The following ZRANB3 variants were observed in gnomAD, a reference collection of about 807,000 sequenced individuals.
ZRANB3 encodes DNA annealing helicase and endonuclease ZRANB3.
Under a neutral mutation model 133.8 loss-of-function variants are expected in ZRANB3, and 125 were observed. The observed-to-expected ratio is 0.93, with a 90% CI of 0.81 to 1.08. The LOEUF (loss-of-function observed/expected upper bound fraction) is 1.08. Ranked by LOEUF, ZRANB3 falls within the 50% of genes least tolerant of loss-of-function variation. ZRANB3 has a pLI of 0.00. For synonymous variants in ZRANB3, 387 were observed against 432.7 expected (o/e 0.89, Z 1.31); for missense variants, 1,229 against 1,275.5 (o/e 0.96, Z 0.56).
chr2:135,309,063 C>G (rs954913124), intron 8 of ZRANB3, among the ~76,000 whole-genome samples: 1 of 150,190 alleles, frequency 6.7e-6, no homozygotes, highest in Admixed American at 6.7e-5. Flanking sequence ...TCACTGCAAG[C>G]GCTGCCTCCT....
intron 3 of ZRANB3, among the ~76,000 whole-genome samples, chr2:135,356,951 T>C (rs1685465998): frequency 1.3e-5 from 2 of 152,312 alleles, no homozygotes; most frequent in East Asian, 3.9e-4. Context: ...TCCAAAGTGC[T>C]GGGATTATAG....
chr2:135,236,294 C>T lies in ZRANB3; in HGVS notation c.1540-5367G>A, dbSNP rs538957793. On this transcript the variant is annotated intron_variant, in intron 12 of 20. Transcript: ENST00000264159. ...CTGCTCAATGAAATAAAAGAGGATA[C>T]AAACAAATGGAAGAACATTCCATGC... 7.9e-4 allele frequency among the ~76,000 whole-genome samples: 120 copies of T among 152,072 alleles called. 1 individual carries two copies. Among genetic ancestry groups the T allele is most frequent in the African/African-American group, 2.6e-3 (106 of 41,416 alleles).
At chr2:135,362,426 G>T (rs1685736998) in intron 3 of ZRANB3, among the ~76,000 whole-genome samples, 1 of 152,108 alleles carries the variant, frequency 6.6e-6, no homozygotes, top group Non-Finnish European at 1.5e-5. Flanking sequence ...GGAATGCACT[G>T]GGAACAGAGG....
chr2:135,384,241 TAGA>T (rs1686858052), intron 3 of ZRANB3, among the ~76,000 whole-genome samples: 1 of 152,164 alleles, frequency 6.6e-6, no homozygotes, highest in African/African-American at 2.4e-5. Flanking sequence ...CTAGGAAATC[TAGA>T]AGAAATGGAT....
chr2:135,219,924 TGCGGCAGCATGATCTCAGCTC>T (rs1694467615), intron 15 of ZRANB3, among the ~76,000 whole-genome samples: 2 of 151,888 alleles, frequency 1.3e-5, no homozygotes, highest in South Asian at 4.2e-4. Context: ...CAGGCTGGGG[TGCGGCAGCATGATCTCAGCTC>T]ACTGCAGCCT....
intron 2 of ZRANB3, among the ~76,000 whole-genome samples, chr2:135,449,043 G>A (rs1206201309): frequency 1.3e-5 from 2 of 152,144 alleles, no homozygotes; most frequent in African/African-American, 2.4e-5. Context: ...TGTAATACTA[G>A]GTGATTTCTG....
At chr2:135,448,942 G>A (rs114447094) in intron 2 of ZRANB3, among the ~76,000 whole-genome samples, 257 of 152,332 alleles carry the variant, frequency 1.7e-3, no homozygotes, top group Non-Finnish European at 2.6e-3. Flanking sequence ...TAAGAGAGGA[G>A]TCTATGTTTC....
intron 8 of ZRANB3, among the ~76,000 whole-genome samples, chr2:135,282,152 C>T (rs1481274097): frequency 1.3e-5 from 2 of 152,026 alleles, no homozygotes; most frequent in Non-Finnish European, 2.9e-5. Flanking sequence ...TTATACTGTT[C>T]CTTAATAACT....
At chr2:135,338,680 AGTATT>A (rs1684481286) in intron 6 of ZRANB3, among the ~76,000 whole-genome samples, 1 of 152,262 alleles carries the variant, frequency 6.6e-6, no homozygotes, top group South Asian at 2.1e-4. Context: ...AAGATTACAC[AGTATT>A]CCACTGTATG....
rs7578111 is a variant in ZRANB3 at position 135,207,806 on chromosome 2, T to C, written c.2637A>G (p.Pro879=). ...KKLLEDGACV[P]FLNPYTVQAD... ...CCTGGACTGTGTATGGATTTAGAAATGGGACACAGGCTCCATCTTCAAGAA... is the reference window on the plus strand; with the variant it reads ...CCTGGACTGTGTATGGATTTAGAAACGGGACACAGGCTCCATCTTCAAGAA... The change falls in exon 19 of 21, where the codon CCA becomes CCG. Residue 879 remains proline (P), a synonymous_variant. Coordinates refer to ENST00000264159, the MANE Select transcript of ZRANB3 (RefSeq NM_032143.4). 194,335 of 1,596,676 alleles carry C rather than the reference T, an allele frequency of 0.12. 18,277 individuals are homozygous for C. The highest frequency in any genetic ancestry group is 0.35 in the African/African-American group (25,892 of 74,594).
At position 135,199,892 on chromosome 2, in the gene ZRANB3, G is replaced by C. The variant is rs1401447605; in HGVS notation, c.*450C>G. 5.4e-6 allele frequency: 1 copy of C among 186,454 alleles called. No homozygotes were observed. The highest frequency in any genetic ancestry group is 1.6e-4 in the East Asian group (1 of 6,224). 11.5% of individuals were successfully genotyped at this position (186,454 alleles called of 1,614,324 possible). A position where few individuals can be genotyped will look rare whatever the true frequency, so the allele number is the denominator to read the frequency against. ...CTTGAATCCTAAGCAGGCTGGTCAT[G>C]CTTGGCCCAGAATTCCCAAATAATG... On this transcript the variant is annotated 3_prime_UTR_variant, in exon 21 of 21. Coordinates refer to ENST00000264159, the MANE Select transcript of ZRANB3 (RefSeq NM_032143.4).
chr2:135,322,273 ATTCTT>A (rs1157410026), intron 6 of ZRANB3, among the ~76,000 whole-genome samples: 2 of 152,124 alleles, frequency 1.3e-5, no homozygotes, highest in African/African-American at 4.8e-5. Context: ...TGTGAATCTT[ATTCTT>A]TTCTTCTTTT....
chr2:135,500,992 G>T (rs1344520436), intron 2 of ZRANB3, among the ~76,000 whole-genome samples: 1 of 151,970 alleles, frequency 6.6e-6, no homozygotes, highest in African/African-American at 2.4e-5. Flanking sequence ...TATTTGAAGA[G>T]GGAATAGCTG....
intron 2 of ZRANB3, among the ~76,000 whole-genome samples, chr2:135,402,822 G>A (rs1574044547): frequency 6.6e-6 from 1 of 152,138 alleles, no homozygotes; most frequent in South Asian, 2.1e-4. Flanking sequence ...CTGACCTCAG[G>A]TGATCTACCC....
At chr2:135,495,822 T>C (rs1311198097) in intron 2 of ZRANB3, among the ~76,000 whole-genome samples, 1 of 152,192 alleles carries the variant, frequency 6.6e-6, no homozygotes, top group Non-Finnish European at 1.5e-5. Context: ...CACAGGGGTA[T>C]TCAGTGTATC....
At chr2:135,439,160 T>C (rs1255227136) in intron 2 of ZRANB3, among the ~76,000 whole-genome samples, 1 of 152,218 alleles carries the variant, frequency 6.6e-6, no homozygotes, top group Non-Finnish European at 1.5e-5. Flanking sequence ...ACTACTAGCA[T>C]GTAACTTTGT....
intron 8 of ZRANB3, among the ~76,000 whole-genome samples, chr2:135,300,872 A>T (rs1682392712): frequency 6.6e-6 from 1 of 152,164 alleles, no homozygotes; most frequent in African/African-American, 2.4e-5. Flanking sequence ...TAAAGCCCAA[A>T]TCTGATTATT....
At chr2:135,296,292 T>C (rs1461211261) in intron 8 of ZRANB3, among the ~76,000 whole-genome samples, 2 of 152,230 alleles carry the variant, frequency 1.3e-5, no homozygotes, top group Admixed American at 1.3e-4. Flanking sequence ...TATTCTTTTT[T>C]CTCTAAACTT....
intron 3 of ZRANB3, among the ~76,000 whole-genome samples, chr2:135,355,826 C>A (rs1325299146): frequency 6.6e-6 from 1 of 152,084 alleles, no homozygotes; most frequent in Non-Finnish European, 1.5e-5. Context: ...TTGTTTCCTG[C>A]CATGGTTTCA....
Sources: allele counts gnomAD v4.1 joint callset (sites outside exome capture counted in the v4.1 genomes callset), GRCh38; gene constraint gnomAD v4.1.1; transcripts MANE v1.5; gene names NCBI Gene and HGNC (gene_info 2026-07-23, HGNC 2026-07-21).